TNNT2: variants seen among roughly 807,000 people sequenced by gnomAD.
The protein encoded by TNNT2 is troponin T, cardiac muscle.
TNNT2 carries 34 observed loss-of-function variants against 62.4 expected under a neutral mutation model. The observed-to-expected ratio is 0.54, with a 90% confidence interval of 0.41 to 0.72. The LOEUF is 0.72. Among genes scored for constraint, TNNT2 ranks in the 30% least tolerant of loss-of-function variants. TNNT2 has a pLI of 0.00. For missense variants in TNNT2, 275 were observed against 381.9 expected (o/e 0.72, Z 2.33); for synonymous variants, 123 against 127.2 (o/e 0.97, Z 0.22).
chr1:201,363,126 C>G (rs761707122), intron 12 of TNNT2, 170 bp downstream of exon 12: 108 of 985,432 alleles, frequency 1.1e-4, no homozygotes, highest in Non-Finnish European at 1.3e-4. Flanking sequence ...AAGCCGCGGT[C>G]AGGCTGAAAA....
rs777121337 is a variant in TNNT2 at position 201,361,258 on chromosome 1, G to A, written c.810+21C>T. ...GGAGTGTGAGATGGAGATGCTGGGC[G>A]GGGACAGCATGGCGGCCCACCTCAT... is the stretch of plus-strand genomic sequence containing the variant. On this transcript the variant is annotated intron_variant, in intron 15 of 16. Coordinates refer to ENST00000656932, the MANE Select transcript of TNNT2 (RefSeq NM_001276345.2). The A allele has an allele frequency of 2.9e-5, 46 of 1,610,210 alleles. No individual in the cohort carries two copies. In the East Asian group the frequency reaches 4.2e-4, roughly 15 times the overall value.
intron 9 of TNNT2, 55 bp downstream of exon 9, chr1:201,365,555 G>A (rs1181646063): frequency 1.0e-5 from 16 of 1,578,732 alleles, no homozygotes; most frequent in East Asian, 2.2e-5. Flanking sequence ...CTGTCACTGA[G>A]GGCCCTTGGG....
chr1:201,368,570 A>G, intron 5 of TNNT2: 1 of 455,278 alleles, frequency 2.2e-6, no homozygotes, highest in Non-Finnish European at 4.3e-6. Flanking sequence ...TCCTGAACCT[A>G]GTGACTCTAG....
intron 4 of TNNT2, 46 bp from the exon 5 acceptor site, chr1:201,369,891 G>T (rs747410238): frequency 6.2e-7 from 1 of 1,613,202 alleles, no homozygotes; most frequent in Non-Finnish European, 8.5e-7. Flanking sequence ...AGCGAGACAG[G>T]TTAGTCTGGG....
Position 201,373,179 on chromosome 1 carries a change from G to C in TNNT2, c.41+35C>G, listed in dbSNP as rs777877118. 9.9e-6 allele frequency: 16 copies of C among 1,610,968 alleles called. No homozygotes were observed. In the South Asian group the frequency reaches 1.1e-4, roughly 11 times the overall value. On this transcript the variant is annotated intron_variant, in intron 2 of 16. Transcript: ENST00000656932. ...CAGGTGTCAGGGCAGCGGCGGGAGA[G>C]GACCCCACTCAGGCAAGATGCTCCA... is the stretch of plus-strand genomic sequence containing the variant.
At chr1:201,366,201 AG>A (rs1659622206) in intron 8 of TNNT2, 11 of 1,031,870 alleles carry the variant, frequency 1.1e-5, no homozygotes, top group Non-Finnish European at 1.3e-5. Flanking sequence ...GAGGCCAGGA[AG>A]GGGGAAGGCA....
At position 201,369,864 on chromosome 1, in the gene TNNT2, C is replaced by T. The variant is rs905575531; in HGVS notation, c.68-19G>A. On this transcript the variant is annotated intron_variant, in intron 4 of 16. Transcript: ENST00000656932. ...TCCTCTTCTGAGGTTCAGGGAGTGGCCGCAGCGGAGGGGAAAAGCGAGACA... is the reference window on the plus strand; with the variant it reads ...TCCTCTTCTGAGGTTCAGGGAGTGGTCGCAGCGGAGGGGAAAAGCGAGACA... 1 of 1,614,166 alleles carries T rather than the reference C, an allele frequency of 6.2e-7. No homozygotes were observed. Among genetic ancestry groups the T allele is most frequent in the Non-Finnish European group, 8.5e-7 (1 of 1,180,028 alleles).
intron 8 of TNNT2, chr1:201,366,319 G>A: frequency 9.8e-7 from 1 of 1,022,356 alleles, no homozygotes; most frequent in Non-Finnish European, 1.2e-6. Context: ...AACCTCTGCT[G>A]GCAGGGTTGG....
chr1:201,363,631 G>A (rs567044958), intron 11 of TNNT2: 29 of 548,084 alleles, frequency 5.3e-5, no homozygotes, highest in Middle Eastern at 5.0e-4. Context: ...GTGAGGTCTC[G>A]TCATCCCCTT....
intron 1 of TNNT2, 103 bp downstream of exon 1, chr1:201,377,520 G>A (rs371083477): frequency 4.2e-5 from 19 of 455,990 alleles, no homozygotes; most frequent in East Asian, 1.4e-4. Context: ...GGACTTCTGC[G>A]GACACAGGCA....
intron 5 of TNNT2, chr1:201,369,336 C>T: frequency 4.2e-6 from 2 of 473,014 alleles, no homozygotes; most frequent in Non-Finnish European, 8.8e-6. Flanking sequence ...TCATGTCCTT[C>T]CTGCTCTGGC....
Position 201,364,575 on chromosome 1 carries a change from C to T in TNNT2, c.412-200G>A, listed in dbSNP as rs2275860. Among the ~76,000 whole-genome samples, 12,224 of 152,270 alleles carry T rather than the reference C, an allele frequency of 0.08. 521 individuals carry two copies. The highest frequency in any genetic ancestry group is 0.099 in the Non-Finnish European group (6,749 of 68,004). On this transcript the variant is annotated intron_variant, in intron 10 of 16. Transcript: ENST00000656932. The stretch of plus-strand genomic sequence containing the variant: ...GCACACCAGGGTACCTGCAGTGACC[C>T]ACCTCCAACATTCCTCATGGTGAGA...
At chr1:201,359,578 A>T in intron 16 of TNNT2, 45 bp downstream of exon 16, 1 of 1,562,818 alleles carries the variant, frequency 6.4e-7, no homozygotes, top group Non-Finnish European at 8.7e-7. Context: ...GTAGGGAAGG[A>T]GGGGGCAGGG....
Position 201,367,740 on chromosome 1 carries a change from C to T in TNNT2, c.199+31G>A, listed in dbSNP as rs747112118. The T allele has an allele frequency of 2.5e-6, 4 of 1,613,670 alleles. 1 individual carries two copies. The highest frequency in any genetic ancestry group is 2.7e-5 in the African/African-American group (2 of 75,048). ...AAGCTGCTGTGAGGGGTTCCTTTGC[C>T]TCCCTTGTACCTCTCTCCTGATATC... is the stretch of plus-strand genomic sequence containing the variant. On this transcript the variant is annotated intron_variant, in intron 7 of 16. Transcript: ENST00000656932.
chr1:201,365,894 C>T, intron 8 of TNNT2: 1 of 1,404,914 alleles, frequency 7.1e-7, no homozygotes, highest in Non-Finnish European at 9.4e-7. Context: ...ACTTCATGCT[C>T]ATGATATGCC....
At chr1:201,376,605 C>G (rs572770976) in intron 1 of TNNT2, among the ~76,000 whole-genome samples, 1 of 152,140 alleles carries the variant, frequency 6.6e-6, no homozygotes, top group Non-Finnish European at 1.5e-5. Flanking sequence ...AAGGAAGATT[C>G]GCCCTCTAAG....
At chr1:201,360,278 A>G (rs895000782) in intron 15 of TNNT2, among the ~76,000 whole-genome samples, 4 of 152,240 alleles carry the variant, frequency 2.6e-5, no homozygotes, top group Non-Finnish European at 5.9e-5. Context: ...ATGAACCCAT[A>G]GGGCTGCTAT....
intron 7 of TNNT2, chr1:201,367,440 A>T (rs1246208427): frequency 2.0e-6 from 1 of 505,272 alleles, no homozygotes; most frequent in Non-Finnish European, 3.6e-6. Flanking sequence ...CATCCTACGG[A>T]CACCACATCC....
intron 4 of TNNT2, among the ~76,000 whole-genome samples, chr1:201,371,411 G>A (rs978208873): frequency 3.3e-5 from 5 of 152,192 alleles, no homozygotes; most frequent in Admixed American, 6.5e-5. Context: ...TCTTCATGCC[G>A]AGATAAGACG....
Sources: gnomAD v4.1 joint callset for allele counts (sites outside exome capture counted in the v4.1 genomes callset) on GRCh38, gnomAD v4.1.1 for gene constraint, MANE v1.5 for transcripts, NCBI Gene and HGNC (gene_info 2026-07-23, HGNC 2026-07-21) for gene names.